Variants in PPIL2 observed in about 807,000 individuals in gnomAD.
PPIL2 encodes the protein RING-type E3 ubiquitin-protein ligase PPIL2.
A neutral mutation model predicts 75.2 loss-of-function variants in PPIL2; 50 were observed. The observed-to-expected ratio is 0.66, with a 90% CI of 0.53 to 0.84. The LOEUF (loss-of-function observed/expected upper bound fraction) is 0.84, where lower values mean the gene tolerates loss of function less well. PPIL2 is among the 40% of genes least tolerant of loss of function. PPIL2 has a pLI of 0.00. For synonymous variants in PPIL2, 245 were observed against 258.8 expected, an observed-to-expected ratio of 0.95 and a Z score of 0.51; for missense variants, 590 against 685.0, an observed-to-expected ratio of 0.86 and a Z score of 1.55.
chr22:21,683,189 C>A lies in PPIL2; in HGVS notation c.485C>A (p.Thr162Asn). The change falls in exon 9 of 20, where the codon ACC (threonine) becomes AAC (asparagine). Residue 162 changes from threonine (T) to asparagine (N), a missense_variant. Transcript: ENST00000398831. ...ATTCTCTTTTTGCCACAGGACCCCA[C>A]CAATTTGGACAAGTTCAATGTCTCT... The part of the protein sequence containing the change: ...RQDIITLQDP[T>N]NLDKFNVSNF... The A allele has an allele frequency of 6.2e-7, 1 of 1,613,318 alleles. No individual in the cohort carries two copies. The highest frequency in any genetic ancestry group is 8.5e-7 in the Non-Finnish European group (1 of 1,179,222).
chr22:21,697,091 T>G lies in PPIL2; in HGVS notation c.*1601T>G, dbSNP rs923275678. 1.6e-4 allele frequency: 194 copies of G among 1,220,472 alleles called. No individual in the cohort carries two copies. Among genetic ancestry groups the G allele is most frequent in the Non-Finnish European group, 2.2e-4 (190 of 880,866 alleles). 75.6% of individuals were successfully genotyped at this position (1,220,472 alleles called of 1,614,324 possible). A position where few individuals can be genotyped will look rare whatever the true frequency, so the allele number is the denominator to read the frequency against. On this transcript the variant is annotated 3_prime_UTR_variant, in exon 20 of 20. Transcript: ENST00000398831. ...AGTGACTTTTGACGCCCTCCATCCC[T>G]CCCGCCAGGCACTGTCCTCCGCAAG...
At chr22:21,693,691 G>A in intron 15 of PPIL2, 125 bp from the exon 16 acceptor site, 1 of 970,022 alleles carries the variant, frequency 1.0e-6, no homozygotes, top group South Asian at 1.4e-5. Context: ...GTGCACACAT[G>A]CGTCCGTGGA....
intron 15 of PPIL2, among the ~76,000 whole-genome samples, chr22:21,692,374 T>C (rs959449120): frequency 1.3e-4 from 19 of 151,348 alleles, no homozygotes; most frequent in Non-Finnish European, 2.1e-4. Context: ...GAGGATGGTC[T>C]CGATCTCCTG....
chr22:21,676,283 A>T (rs375180167), intron 6 of PPIL2, among the ~76,000 whole-genome samples: 26 of 65,886 alleles, frequency 3.9e-4, no homozygotes, highest in South Asian at 1.2e-3. Context: ...TGTGTGTCTC[A>T]TTCAGCAAAT....
rs1180736032 is a variant in PPIL2 at position 21,685,510 on chromosome 22, CCTT to C, written c.714+601_714+603del. On this transcript the variant is annotated intron_variant, in intron 10 of 19. Transcript: ENST00000398831. ...CATGGGCAGGTAGCTCTGAAGTTCT[CCTT>C]CTTAAAGAATTATTCAAATTCTGGA... The C allele has an allele frequency of 1.6e-4, 57 of 365,156 alleles. No homozygotes were observed. The East Asian group carries it at 2.1e-3, about 13-fold the overall frequency. 22.6% of individuals were successfully genotyped at this position (365,156 alleles called of 1,614,324 possible). A position where few individuals can be genotyped will look rare whatever the true frequency, so the allele number is the denominator to read the frequency against.
At chr22:21,683,835 G>A (rs180900782) in intron 9 of PPIL2, among the ~76,000 whole-genome samples, 5 of 152,324 alleles carry the variant, frequency 3.3e-5, no homozygotes, top group Non-Finnish European at 4.4e-5. Context: ...CTCCTGAGTC[G>A]GCAAGAATGG....
rs115046069 is a variant in PPIL2, at chr22:21,678,009, C to T, written c.295+2894C>T. On this transcript the variant is annotated intron_variant, in intron 6 of 19. Transcript: ENST00000398831. ...GCGCACGCTCAAGGGTGTCTGTGCC[C>T]AGCTGGGAGTCCAATGTGGCTGGAA... Among the ~76,000 whole-genome samples the T allele has an allele frequency of 7.7e-3, 1,165 of 152,258 alleles. 9 individuals carry two copies. Among genetic ancestry groups the T allele is most frequent in the African/African-American group, 0.026 (1,068 of 41,548 alleles).
At chr22:21,688,913 C>G in intron 15 of PPIL2, 64 bp downstream of exon 15, 1 of 1,424,968 alleles carries the variant, frequency 7.0e-7, no homozygotes, top group Non-Finnish European at 9.9e-7. Context: ...CGGGTTCTTC[C>G]TCTTGGCCCT....
Position 21,666,075 on chromosome 22 carries a change from C to A in PPIL2, c.-25C>A, listed in dbSNP as rs773319215. 3.1e-6 allele frequency: 5 copies of A among 1,611,002 alleles called. 1 individual carries two copies. The South Asian group carries it at 5.5e-5, about 18-fold the overall frequency. ...TTGTCAGCCGTTGTTTTTTCGTGCTCGCTAGTCGCCGCCGCCGCTCCGCCA... is the reference window on the plus strand; with the variant it reads ...TTGTCAGCCGTTGTTTTTTCGTGCTAGCTAGTCGCCGCCGCCGCTCCGCCA... On this transcript the variant is annotated 5_prime_UTR_variant, in exon 1 of 20. Transcript: ENST00000398831.
chr22:21,669,437 CTG>C (rs2066538192), intron 1 of PPIL2: 1 of 430,364 alleles, frequency 2.3e-6, no homozygotes, highest in Non-Finnish European at 4.8e-6. Flanking sequence ...GTGTGAGCCA[CTG>C]TGCCTGGTCT....
chr22:21,681,194 T>C (rs751328669), intron 6 of PPIL2, 105 bp from the exon 7 acceptor site: 1 of 887,592 alleles, frequency 1.1e-6, no homozygotes, highest in Non-Finnish European at 1.8e-6. Flanking sequence ...CCTCCTCCCA[T>C]CGCTGACTTT....
intron 15 of PPIL2, among the ~76,000 whole-genome samples, chr22:21,692,031 G>A (rs138890835): frequency 6.6e-5 from 10 of 150,914 alleles, no homozygotes; most frequent in South Asian, 2.1e-4. Context: ...GCTCCGTGCC[G>A]CCAGCGCCGG....
chr22:21,669,486 A>G, intron 1 of PPIL2: 6 of 368,540 alleles, frequency 1.6e-5, no homozygotes, highest in South Asian at 1.2e-4. Context: ...TGGCTGACAT[A>G]TAGTAGGTGT....
intron 8 of PPIL2, among the ~76,000 whole-genome samples, chr22:21,682,740 G>A (rs376887284): frequency 1.3e-5 from 2 of 152,348 alleles, no homozygotes; most frequent in South Asian, 2.1e-4. Flanking sequence ...TCTGGCACAG[G>A]GTCCCTGCAG....
intron 6 of PPIL2, among the ~76,000 whole-genome samples, chr22:21,680,048 A>G (rs899968016): frequency 6.6e-5 from 10 of 150,672 alleles, no homozygotes; most frequent in African/African-American, 2.2e-4. Flanking sequence ...CGAGGAGATC[A>G]TGCCACTGCA....
chr22:21,672,463 A>G (rs1032476202), intron 5 of PPIL2, 82 bp downstream of exon 5: 1 of 1,394,110 alleles, frequency 7.2e-7, no homozygotes, highest in Admixed American at 1.7e-5. Flanking sequence ...GTTTTCATGA[A>G]CACAGGAACA....
In PPIL2 at chr22:21,696,776, T is replaced by TTTTC; in HGVS notation, c.*1288_*1291dup. 6.5e-7 allele frequency: 1 copy of TTTTC among 1,546,468 alleles called. No individual in the cohort carries two copies. Among genetic ancestry groups the TTTTC allele is most frequent in the Non-Finnish European group, 8.7e-7 (1 of 1,147,060 alleles). On this transcript the variant is annotated 3_prime_UTR_variant, in exon 20 of 20. Coordinates refer to ENST00000398831, the MANE Select transcript of PPIL2 (RefSeq NM_014337.4). ...TTGCAGGCTGTACCTCTGCCCTTCCTTTTCTCATCAATCACTGATGCTGAA... is the reference window on the plus strand; with the variant it reads ...TTGCAGGCTGTACCTCTGCCCTTCCTTTTCTTTCTCATCAATCACTGATGCTGAA...
At chr22:21,691,602 C>T (rs1435914659) in intron 15 of PPIL2, among the ~76,000 whole-genome samples, 1 of 152,032 alleles carries the variant, frequency 6.6e-6, no homozygotes, top group African/African-American at 2.4e-5. Flanking sequence ...ATGGCGTGAA[C>T]CCAGGAGGCA....
In PPIL2 at chr22:21,696,088, A is replaced by G; in HGVS notation, c.*598A>G. 1 of 934,646 alleles carries G rather than the reference A, an allele frequency of 1.1e-6. No homozygotes were observed. Among genetic ancestry groups the G allele is most frequent in the Non-Finnish European group, 1.3e-6 (1 of 780,246 alleles). 57.9% of individuals were successfully genotyped at this position (934,646 alleles called of 1,614,324 possible). A position where few individuals can be genotyped will look rare whatever the true frequency, so the allele number is the denominator to read the frequency against. ...CTGACCAACGCCATTACCTGGGACA[A>G]GTTTTCAGACCCCAGACTTACTGAG... On this transcript the variant is annotated 3_prime_UTR_variant, in exon 20 of 20. Coordinates refer to ENST00000398831, the MANE Select transcript of PPIL2 (RefSeq NM_014337.4).
Sources: gnomAD v4.1 joint callset for allele counts (sites outside exome capture counted in the v4.1 genomes callset) on GRCh38, gnomAD v4.1.1 for gene constraint, MANE v1.5 for transcripts, NCBI Gene and HGNC (gene_info 2026-07-23, HGNC 2026-07-21) for gene names.